Variants in VWF observed in about 807,000 individuals in gnomAD.
VWF encodes von Willebrand factor, also known as Factor VIII related antigen.
Under a neutral mutation model 308.6 loss-of-function variants are expected in VWF, and 176 were observed. That is an observed-to-expected ratio of 0.57 (90% CI 0.50 to 0.65). The LOEUF (loss-of-function observed/expected upper bound fraction) is 0.65. Ranked by LOEUF, VWF falls within the 30% of genes least tolerant of loss-of-function variation. The probability of loss-of-function intolerance (pLI) is 0.00; values close to 1 mark genes in which losing one functional copy is unlikely to be tolerated. For synonymous variants in VWF, 1,385 were observed against 1,443.4 expected, an observed-to-expected ratio of 0.96 and a Z score of 0.92; for missense variants, 3,146 against 3,648.2, an observed-to-expected ratio of 0.86 and a Z score of 3.55.
At chr12:5,977,770 C>T (rs216857) in intron 42 of VWF, among the ~76,000 whole-genome samples, 92,297 of 150,968 alleles carry the variant, frequency 0.61, 28,784 homozygotes, top group Admixed American at 0.69. Flanking sequence ...ACTCAGGAGG[C>T]TGAGGGGGAG....
chr12:6,108,817 T>C (rs911996510), intron 5 of VWF, among the ~76,000 whole-genome samples: 1 of 151,698 alleles, frequency 6.6e-6, no homozygotes, highest in Admixed American at 6.6e-5. Context: ...CTGTCTCTAC[T>C]AAAAATACAA....
chr12:6,103,465 C>T (rs1189981885), intron 5 of VWF, among the ~76,000 whole-genome samples: 3 of 51,308 alleles, frequency 5.8e-5, no homozygotes, highest in African/African-American at 4.4e-4. Context: ...TGTGTATATA[C>T]ACATATGTGT....
At chr12:6,082,923 CT>C (rs1944929711) in intron 6 of VWF, among the ~76,000 whole-genome samples, 1 of 152,236 alleles carries the variant, frequency 6.6e-6, no homozygotes, top group African/African-American at 2.4e-5. Flanking sequence ...CCTCCCACTC[CT>C]GTTTCCTAGC....
At chr12:6,030,719 G>T (rs1298665052) in intron 21 of VWF, among the ~76,000 whole-genome samples, 1 of 152,124 alleles carries the variant, frequency 6.6e-6, no homozygotes, top group Non-Finnish European at 1.5e-5. Context: ...GACTGAATTA[G>T]TTTACTCCTC....
chr12:6,075,653 G>A lies in VWF; in HGVS notation c.658-102C>T. 3 of 1,302,714 alleles carry A rather than the reference G, an allele frequency of 2.3e-6. No homozygotes were observed. The highest frequency in any genetic ancestry group is 3.2e-6 in the Non-Finnish European group (3 of 923,112). 80.7% of individuals were successfully genotyped at this position (1,302,714 alleles called of 1,614,324 possible). The stretch of plus-strand genomic sequence containing the variant: ...TAGGGAAACCAAGGCAGCTCCCTCA[G>A]CACCTGGGACAGGCTGGCACCAAGC... On this transcript the variant is annotated intron_variant, in intron 6 of 51. Coordinates refer to ENST00000261405, the MANE Select transcript of VWF (RefSeq NM_000552.5). The surrounding 1 kb of genome is among the most constrained non-coding windows in gnomAD (Gnocchi z 4.7).
At position 5,969,314 on chromosome 12, in the gene VWF, T is replaced by C. The variant is rs1565813254; in HGVS notation, c.7626A>G (p.Ile2542Met). 3.1e-6 allele frequency: 5 copies of C among 1,614,180 alleles called. No homozygotes were observed. The highest frequency in any genetic ancestry group is 3.4e-6 in the Non-Finnish European group (4 of 1,180,034). Residue 2542 changes from isoleucine to methionine, a missense_variant, in exon 45 of 52, where the codon ATA becomes ATG. Coordinates refer to ENST00000261405, the MANE Select transcript of VWF (RefSeq NM_000552.5). ...GGGGGCAGGAGACGTTCCTTTGTTG[T>C]ATAAAGACCTCCTCCTTCACTCGGA... Reference protein sequence around the residue: ...ECVRVKEEVFIQQRNVSCPQL... With the variant: ...ECVRVKEEVFMQQRNVSCPQL...
At chr12:5,990,002 C>T (rs1271377057) in intron 38 of VWF, among the ~76,000 whole-genome samples, 1 of 152,126 alleles carries the variant, frequency 6.6e-6, no homozygotes, top group Non-Finnish European at 1.5e-5. Flanking sequence ...AAGGTTTTGT[C>T]AACTCATTTA....
rs561584101 is a variant in VWF, at chr12:5,988,784, C to CT, written c.6798+3034dup. The stretch of plus-strand genomic sequence containing the variant: ...GCACTGCTGCACAAGCCCAGGCCAA[C>CT]TGCAGGCAGGCAGTCGCAATCGCCA... On this transcript the variant is annotated intron_variant, in intron 38 of 51. Transcript: ENST00000261405. Among the ~76,000 whole-genome samples, 347 of 152,374 alleles carry CT rather than the reference C, an allele frequency of 2.3e-3. 5 individuals carry two copies. Among genetic ancestry groups the CT allele is most frequent in the African/African-American group, 7.7e-3 (321 of 41,594 alleles).
chr12:6,114,935 G>C (rs1945346826), intron 3 of VWF, among the ~76,000 whole-genome samples: 1 of 152,220 alleles, frequency 6.6e-6, no homozygotes, highest in African/African-American at 2.4e-5. Context: ...CCTTCAGTGA[G>C]GATTGAACTG....
Position 5,985,083 on chromosome 12 carries a change from C to A in VWF, c.6938G>T (p.Arg2313Leu). 2.5e-6 allele frequency: 4 copies of A among 1,614,164 alleles called. No individual in the cohort carries two copies. Among genetic ancestry groups the A allele is most frequent in the Non-Finnish European group, 2.5e-6 (3 of 1,180,020 alleles). ...TCGLCEVARL[R>L]QNADQCCPEY... is the part of the protein sequence containing the mutation. ...GGGGCAGCACTGGTCTGCATTCTGG[C>A]GGAGGCGGGCTACTTCACACAGGCC... Residue 2313 changes from arginine (R) to leucine (L), a missense_variant, in exon 40 of 52, where the codon CGC becomes CTC. By Grantham distance (102) the Arg-to-Leu change is moderately radical (BLOSUM62 -2). Transcript: ENST00000261405.
At chr12:6,082,112 G>A (rs1944918545) in intron 6 of VWF, among the ~76,000 whole-genome samples, 1 of 151,876 alleles carries the variant, frequency 6.6e-6, no homozygotes, top group South Asian at 2.1e-4. Context: ...TATTACAGGT[G>A]CACACCACCA....
chr12:6,060,879 T>A lies in VWF; in HGVS notation c.1533+2075A>T, dbSNP rs1944647912. On this transcript the variant is annotated intron_variant, in intron 13 of 51. Coordinates refer to ENST00000261405, the MANE Select transcript of VWF (RefSeq NM_000552.5). The surrounding 1 kb of genome is among the most constrained non-coding windows in gnomAD (Gnocchi z 5.1). The stretch of plus-strand genomic sequence containing the variant: ...GAAAGTGCATGGGTGGAGAGCACCC[T>A]CTCTGTGAGGTGGGAAGATGCTGAG... Among the ~76,000 whole-genome samples the A allele has an allele frequency of 6.6e-6, 1 of 152,106 alleles. No individual in the cohort carries two copies. Among genetic ancestry groups the A allele is most frequent in the African/African-American group, 2.4e-5 (1 of 41,422 alleles).
In VWF at chr12:6,067,367, GA is replaced by G. The variant is rs1944727644; in HGVS notation, c.1157-2095del. ...TCTCAGAGCACTCTTATCTAAGCAAGAAAATGGACTTCTGTCTTCTTTAACA... is the reference window on the plus strand; with the variant it reads ...TCTCAGAGCACTCTTATCTAAGCAAGAAATGGACTTCTGTCTTCTTTAACA... On this transcript the variant is annotated intron_variant, in intron 10 of 51. Coordinates refer to ENST00000261405, the MANE Select transcript of VWF (RefSeq NM_000552.5). Among the ~76,000 whole-genome samples the G allele has an allele frequency of 1.1e-4, 16 of 152,278 alleles. 1 individual carries two copies. In the South Asian group the frequency reaches 3.3e-3, roughly 32 times the overall value.
rs1384023992 is a variant in VWF, at chr12:6,057,000, G to A, written c.1802C>T (p.Pro601Leu). 10 of 1,547,858 alleles carry A rather than the reference G, an allele frequency of 6.5e-6. No homozygotes were observed. The highest frequency in any genetic ancestry group is 8.7e-6 in the Non-Finnish European group (10 of 1,151,638). ...GCGGCAGTTCCGCAGGTAGGGCAGCGGGCTGACGGCACGATGGCAGGCCTC... is the reference window on the plus strand; with the variant it reads ...GCGGCAGTTCCGCAGGTAGGGCAGCAGGCTGACGGCACGATGGCAGGCCTC... ...TFEACHRAVSPLPYLRNCRYD... is the reference protein window; with the variant it reads ...TFEACHRAVSLLPYLRNCRYD... The change falls in exon 15 of 52, where the codon CCG becomes CTG. Residue 601 changes from proline (P) to leucine (L), a missense_variant. Physicochemically the swap from Pro to Leu is moderately conservative, Grantham distance 98. Coordinates refer to ENST00000261405, the MANE Select transcript of VWF (RefSeq NM_000552.5).
At position 6,023,664 on chromosome 12, in the gene VWF, T is replaced by C; in HGVS notation, c.3346A>G (p.Lys1116Glu). The C allele has an allele frequency of 6.2e-7, 1 of 1,613,884 alleles. No homozygotes were observed. The highest frequency in any genetic ancestry group is 8.5e-7 in the Non-Finnish European group (1 of 1,180,008). The change falls in exon 25 of 52, where the codon AAG becomes GAG. Residue 1116 changes from lysine to glutamate, a missense_variant. This residue lies in a region of VWF where 853 missense variants were observed against 1,177.8 expected (regional missense o/e 0.72). Coordinates refer to ENST00000261405, the MANE Select transcript of VWF (RefSeq NM_000552.5). ...GTGGCCGTCCTCCAGGTCACCACCTTGCCATGCTGGGCACACACGTGGGCA... is the reference window on the plus strand; with the variant it reads ...GTGGCCGTCCTCCAGGTCACCACCTCGCCATGCTGGGCACACACGTGGGCA... ...AYAHVCAQHG[K>E]VVTWRTATLC...
intron 11 of VWF, 100 bp from the exon 12 acceptor site, chr12:6,064,484 C>A: frequency 6.5e-7 from 1 of 1,533,642 alleles, no homozygotes; most frequent in Non-Finnish European, 8.8e-7. Context: ...AACCCGAGAG[C>A]CTCTGGCCTT....
At position 6,063,126 on chromosome 12, in the gene VWF, G is replaced by C; in HGVS notation, c.1433-72C>G. On this transcript the variant is annotated intron_variant, in intron 12 of 51. Transcript: ENST00000261405. This position sits in a 1 kb window ranked among gnomAD's most constrained non-coding sequence, Gnocchi z 4.9. Reference sequence around the variant, plus strand: ...GGGTGGTGGCAGGCAGATGTATTTGGGAGGAAATGGGGTGTCTCAAAAGGA... The same window carrying C: ...GGGTGGTGGCAGGCAGATGTATTTGCGAGGAAATGGGGTGTCTCAAAAGGA... 7 of 1,238,116 alleles carry C rather than the reference G, an allele frequency of 5.7e-6. No homozygotes were observed. In the South Asian group the frequency reaches 8.7e-5, roughly 15 times the overall value. 76.7% of individuals were successfully genotyped at this position (1,238,116 alleles called of 1,614,324 possible).
intron 16 of VWF, among the ~76,000 whole-genome samples, chr12:6,049,879 C>T (rs216303): frequency 0.89 from 135,236 of 152,184 alleles, 60,176 homozygotes; most frequent in Middle Eastern, 0.92. Context: ...TGGCCTTTGA[C>T]CTTTGGCCTC....
At chr12:5,993,791 G>A in intron 37 of VWF, 71 bp downstream of exon 37, 3 of 1,410,564 alleles carry the variant, frequency 2.1e-6, no homozygotes, top group Admixed American at 1.7e-5. Flanking sequence ...TAAAGAATCT[G>A]GGGCACAGAG....
Sources: gnomAD v4.1 joint callset for allele counts (sites outside exome capture counted in the v4.1 genomes callset) on GRCh38, gnomAD v4.1.1 for gene constraint, gnomAD v4.1.1 regional missense constraint, Gnocchi (gnomAD v3.1) non-coding constraint, MANE v1.5 for transcripts, NCBI Gene and HGNC (gene_info 2026-07-23, HGNC 2026-07-21) for gene names.